The following THSD7A variants were observed in gnomAD, a reference collection of about 807,000 sequenced individuals.
The protein encoded by THSD7A is thrombospondin type-1 domain-containing protein 7A.
THSD7A carries 96 observed loss-of-function variants against 231.3 expected under a neutral mutation model. The observed-to-expected ratio is 0.41, with a 90% CI of 0.35 to 0.49. The LOEUF (loss-of-function observed/expected upper bound fraction) is 0.49, where lower values mean the gene tolerates loss of function less well. Ranked by LOEUF, THSD7A falls within the 20% of genes least tolerant of loss-of-function variation. The probability of loss-of-function intolerance (pLI) is 0.05; values close to 1 mark genes in which losing one functional copy is unlikely to be tolerated. For missense variants in THSD7A, 2,290 were observed against 2,070.2 expected, an observed-to-expected ratio of 1.11 and a Z score of -2.06; for synonymous variants, 940 against 743.3, an observed-to-expected ratio of 1.26 and a Z score of -4.30.
chr7:11,461,653 T>C (rs1021263052), intron 10 of THSD7A, among the ~76,000 whole-genome samples: 1 of 152,208 alleles, frequency 6.6e-6, no homozygotes, highest in Non-Finnish European at 1.5e-5. Flanking sequence ...AGGGGAGTAA[T>C]GCTTAGGCTA....
intron 23 of THSD7A, among the ~76,000 whole-genome samples, chr7:11,394,275 A>G (rs927576978): frequency 6.6e-6 from 1 of 152,192 alleles, no homozygotes; most frequent in Non-Finnish European, 1.5e-5. Context: ...CTTCATAAGC[A>G]AAGGAGAAAT....
chr7:11,662,652 T>A (rs755544185), intron 1 of THSD7A, among the ~76,000 whole-genome samples: 2 of 151,386 alleles, frequency 1.3e-5, no homozygotes, highest in Non-Finnish European at 3.0e-5. Context: ...TTGACCAAGA[T>A]TGGTCATCTG....
At chr7:11,614,740 ACTATTTC>A (rs1781049444) in intron 2 of THSD7A, among the ~76,000 whole-genome samples, 1 of 152,132 alleles carries the variant, frequency 6.6e-6, no homozygotes, top group South Asian at 2.1e-4. Flanking sequence ...TTTTTTACTC[ACTATTTC>A]CTATTATAAT....
At chr7:11,683,841 G>T (rs999502352) in intron 1 of THSD7A, among the ~76,000 whole-genome samples, 1 of 151,952 alleles carries the variant, frequency 6.6e-6, no homozygotes, top group Non-Finnish European at 1.5e-5. Context: ...CCAAAAAATT[G>T]AGGAGGAGGA....
intron 1 of THSD7A, among the ~76,000 whole-genome samples, chr7:11,770,193 T>C (rs1783177444): frequency 6.6e-6 from 1 of 152,112 alleles, no homozygotes; most frequent in African/African-American, 2.4e-5. Flanking sequence ...CACCCTCTAT[T>C]ATATTTAAAG....
At chr7:11,400,459 G>A (rs1783362347) in intron 23 of THSD7A, among the ~76,000 whole-genome samples, 1 of 150,646 alleles carries the variant, frequency 6.6e-6, no homozygotes, top group Admixed American at 6.6e-5. Context: ...ATGCTTTAGA[G>A]GTATGATTTT....
chr7:11,413,848 C>T (rs78495856), intron 17 of THSD7A: 4,093 of 152,362 alleles, frequency 0.027, 92 homozygotes, highest in Non-Finnish European at 0.043. Flanking sequence ...AGTTCCTGTG[C>T]GCCCCTCAGA....
At chr7:11,481,748 T>C (rs745899491) in intron 7 of THSD7A, 40 bp downstream of exon 7, 12 of 1,529,824 alleles carry the variant, frequency 7.8e-6, no homozygotes, top group African/African-American at 1.4e-5. Flanking sequence ...ACACTAACTT[T>C]TGAAACGAAC....
chr7:11,617,495 T>G (rs1562772908), intron 2 of THSD7A, among the ~76,000 whole-genome samples: 1 of 152,196 alleles, frequency 6.6e-6, no homozygotes, highest in Non-Finnish European at 1.5e-5. Flanking sequence ...ACCTACAAAT[T>G]CTTATTGGAA....
intron 1 of THSD7A, among the ~76,000 whole-genome samples, chr7:11,647,144 A>G (rs1782314234): frequency 6.6e-6 from 1 of 151,940 alleles, no homozygotes. Context: ...CACCACTAAG[A>G]TTTTCTTATT....
In THSD7A at chr7:11,474,427, G is replaced by A. The variant is rs541102315; in HGVS notation, c.2159C>T (p.Thr720Met). 1.6e-4 allele frequency: 266 copies of A among 1,613,566 alleles called. 1 individual carries two copies. Among genetic ancestry groups the A allele is most frequent in the South Asian group, 1.6e-3 (149 of 91,068 alleles). ...DTSVSSFNTT[T>M]TWNGEASCSV... The stretch of plus-strand genomic sequence containing the variant: ...GCAGGAGGCCTCCCCATTCCAAGTC[G>A]TAGTTGTGTTGAAGGACGATACTGA... Residue 720 changes from threonine (T) to methionine (M), a missense_variant, in exon 8 of 28, where the codon ACG becomes ATG. Thr to Met is a moderately conservative substitution (Grantham distance 81). Transcript: ENST00000423059. The surrounding 1 kb of genome is among the most constrained non-coding windows in gnomAD (Gnocchi z 4.1).
In THSD7A at chr7:11,601,178, T is replaced by C. The variant is rs182030517; in HGVS notation, c.1023-7676A>G. On this transcript the variant is annotated intron_variant, in intron 2 of 27. Transcript: ENST00000423059. ...ATTTCTTATTCTTCCTAATATTTTT[T>C]TCGTATTCATATGTATACATTATCC... Among the ~76,000 whole-genome samples, 437 of 152,322 alleles carry C rather than the reference T, an allele frequency of 2.9e-3. 1 individual carries two copies. The highest frequency in any genetic ancestry group is 7.1e-3 in the South Asian group (34 of 4,822).
At chr7:11,762,164 G>T (rs1782884419) in intron 1 of THSD7A, among the ~76,000 whole-genome samples, 1 of 151,982 alleles carries the variant, frequency 6.6e-6, no homozygotes, top group Non-Finnish European at 1.5e-5. Flanking sequence ...TAGACACTTA[G>T]GTTCCCTAAC....
intron 2 of THSD7A, among the ~76,000 whole-genome samples, chr7:11,630,555 G>A (rs993745679): frequency 1.3e-5 from 2 of 152,122 alleles, no homozygotes; most frequent in African/African-American, 4.8e-5. Context: ...GAGTTATCTA[G>A]AAGCTGGATA....
intron 1 of THSD7A, among the ~76,000 whole-genome samples, chr7:11,715,869 T>C (rs746182031): frequency 2.0e-5 from 3 of 151,466 alleles, no homozygotes; most frequent in Non-Finnish European, 3.0e-5. Context: ...TTTGTAAATA[T>C]CAAAAGGCAA....
At chr7:11,749,964 G>A (rs1384054879) in intron 1 of THSD7A, among the ~76,000 whole-genome samples, 1 of 151,816 alleles carries the variant, frequency 6.6e-6, no homozygotes, top group Admixed American at 6.6e-5. Flanking sequence ...TGTAGTAGTG[G>A]CAGTTGTTAA....
chr7:11,587,667 C>T (rs1483590439), intron 4 of THSD7A, among the ~76,000 whole-genome samples: 3 of 152,218 alleles, frequency 2.0e-5, no homozygotes, highest in Non-Finnish European at 4.4e-5. Context: ...AATGTATTAA[C>T]TCCGAGGATA....
chr7:11,648,953 A>G (rs1782390187), intron 1 of THSD7A, among the ~76,000 whole-genome samples: 1 of 151,996 alleles, frequency 6.6e-6, no homozygotes, highest in Admixed American at 6.6e-5. Flanking sequence ...TGTGGTATGT[A>G]GCCAGTCTCC....
At chr7:11,729,774 A>C (rs1046197210) in intron 1 of THSD7A, among the ~76,000 whole-genome samples, 33 of 151,748 alleles carry the variant, frequency 2.2e-4, no homozygotes, top group African/African-American at 7.7e-4. Flanking sequence ...AACACAGTTA[A>C]TCTGTTTTTC....
Sources: gnomAD v4.1 joint callset for allele counts (sites outside exome capture counted in the v4.1 genomes callset) on GRCh38, gnomAD v4.1.1 for gene constraint, Gnocchi (gnomAD v3.1) non-coding constraint, MANE v1.5 for transcripts, NCBI Gene and HGNC (gene_info 2026-07-23, HGNC 2026-07-21) for gene names.